Variants in HLCS observed in about 807,000 individuals in gnomAD.
HLCS encodes biotin--protein ligase.
Under a neutral mutation model 75.0 loss-of-function variants are expected in HLCS, and 53 were observed. That is an observed-to-expected ratio of 0.71 (90% confidence interval 0.57 to 0.89). The LOEUF (loss-of-function observed/expected upper bound fraction) is 0.89. Ranked by LOEUF, HLCS falls within the 40% of genes least tolerant of loss-of-function variation. HLCS has a pLI of 0.00. For missense variants in HLCS, 966 were observed against 1,074.0 expected (o/e 0.90, Z 1.41); for synonymous variants, 431 against 428.6 (o/e 1.01, Z -0.07).
chr21:36,931,280 T>A (rs1942931040), intron 4 of HLCS, among the ~76,000 whole-genome samples: 3 of 51,158 alleles, frequency 5.9e-5, no homozygotes, highest in Admixed American at 3.5e-4. Context: ...TGAAACTCCA[T>A]CGCAAAAAAA....
At chr21:36,909,842 A>T (rs903651622) in intron 5 of HLCS, among the ~76,000 whole-genome samples, 3 of 152,200 alleles carry the variant, frequency 2.0e-5, no homozygotes, top group Non-Finnish European at 4.4e-5. Flanking sequence ...ATTTCTTATG[A>T]TCTCCATGTA....
chr21:36,979,811 C>T (rs1291217902), intron 1 of HLCS, among the ~76,000 whole-genome samples: 1 of 151,956 alleles, frequency 6.6e-6, no homozygotes, highest in Non-Finnish European at 1.5e-5. Flanking sequence ...AATCCTAACA[C>T]TTTGGGAGGC....
chr21:36,936,869 A>C lies in HLCS; in HGVS notation c.1017T>G (p.Ile339Met). Residue 339 changes from isoleucine (I) to methionine (M), a missense_variant, in exon 4 of 11, where the codon ATT becomes ATG. Coordinates refer to ENST00000674895, the MANE Select transcript of HLCS (RefSeq NM_001352514.2). ...VRSVLADCVDIDSYILYHLLE... is the reference protein window; with the variant it reads ...VRSVLADCVDMDSYILYHLLE... ...GCAGGTGGTAGAGAATATAACTGTCAATGTCCACACAGTCGGCCAGCACAG... is the reference window on the plus strand; with the variant it reads ...GCAGGTGGTAGAGAATATAACTGTCCATGTCCACACAGTCGGCCAGCACAG... 1 of 1,614,186 alleles carries C rather than the reference A, an allele frequency of 6.2e-7. No homozygotes were observed. The highest frequency in any genetic ancestry group is 2.2e-5 in the East Asian group (1 of 44,864).
At chr21:36,850,340 G>A (rs1029634465) in intron 6 of HLCS, among the ~76,000 whole-genome samples, 1 of 152,252 alleles carries the variant, frequency 6.6e-6, no homozygotes, top group East Asian at 1.9e-4. Context: ...CTCCGGGGCA[G>A]CTCACCTGTC....
intron 6 of HLCS, among the ~76,000 whole-genome samples, chr21:36,827,028 T>C (rs1222643410): frequency 1.3e-5 from 2 of 152,154 alleles, no homozygotes; most frequent in Non-Finnish European, 1.5e-5. Context: ...GGATGTCTAA[T>C]AACACAGACC....
upstream of HLCS, among the ~76,000 whole-genome samples, chr21:36,967,155 C>T (rs13046468): frequency 0.42 from 63,278 of 151,614 alleles, 13,716 homozygotes; most frequent in South Asian, 0.53. Context: ...GCTGCCAAGG[C>T]CAACCTTTAC....
intron 5 of HLCS, among the ~76,000 whole-genome samples, chr21:36,914,229 C>T (rs2065836737): frequency 6.6e-6 from 1 of 152,168 alleles, no homozygotes; most frequent in Non-Finnish European, 1.5e-5. Context: ...TTATGCGTCC[C>T]CTCTCACATC....
intron 6 of HLCS, among the ~76,000 whole-genome samples, chr21:36,819,990 A>C (rs917148483): frequency 6.6e-6 from 1 of 152,216 alleles, no homozygotes; most frequent in Non-Finnish European, 1.5e-5. Flanking sequence ...GATAAAGTGC[A>C]CTCACAGGGC....
At chr21:36,811,220 T>A (rs978669559) in intron 6 of HLCS, among the ~76,000 whole-genome samples, 1 of 152,202 alleles carries the variant, frequency 6.6e-6, no homozygotes, top group African/African-American at 2.4e-5. Context: ...CTATTCCTCA[T>A]TCACTGGATT....
chr21:36,767,086 G>T (rs898877409), intron 7 of HLCS, 132 bp downstream of exon 7: 1 of 844,702 alleles, frequency 1.2e-6, no homozygotes, highest in Non-Finnish European at 2.0e-6. Flanking sequence ...ATTCCAGGCG[G>T]TTATGAAAAC....
intron 6 of HLCS, among the ~76,000 whole-genome samples, chr21:36,809,481 T>G (rs989520490): frequency 2.6e-5 from 4 of 152,218 alleles, no homozygotes; most frequent in Admixed American, 6.5e-5. Flanking sequence ...AATTTCTACT[T>G]GTCACTGAAT....
intron 6 of HLCS, among the ~76,000 whole-genome samples, chr21:36,822,678 A>G (rs1368051968): frequency 6.6e-6 from 1 of 152,244 alleles, no homozygotes; most frequent in African/African-American, 2.4e-5. Context: ...GTATGGAGAC[A>G]GACAGAAATG....
At chr21:36,987,212 A>G (rs920269277) in intron 1 of HLCS, among the ~76,000 whole-genome samples, 6 of 152,194 alleles carry the variant, frequency 3.9e-5, no homozygotes, top group African/African-American at 1.4e-4. Flanking sequence ...TTAATGGACA[A>G]TGGTATTTAG....
chr21:36,847,529 A>G (rs1346338085), intron 6 of HLCS, among the ~76,000 whole-genome samples: 1 of 152,138 alleles, frequency 6.6e-6, no homozygotes, highest in African/African-American at 2.4e-5. Flanking sequence ...AGTAATGGAT[A>G]TCTAAGGTAC....
chr21:36,898,886 C>T, intron 5 of HLCS, among the ~76,000 whole-genome samples: 1 of 151,996 alleles, frequency 6.6e-6, no homozygotes, highest in Non-Finnish European at 1.5e-5. Context: ...CATGGTGAAA[C>T]CCTGTCTCTC....
intron 6 of HLCS, among the ~76,000 whole-genome samples, chr21:36,779,186 C>G (rs2060452578): frequency 6.6e-6 from 1 of 152,118 alleles, no homozygotes; most frequent in South Asian, 2.1e-4. Context: ...TTTCACATCC[C>G]ATGAATAATC....
intron 6 of HLCS, among the ~76,000 whole-genome samples, chr21:36,818,202 G>C (rs1321607377): frequency 6.6e-6 from 1 of 152,228 alleles, no homozygotes; most frequent in Non-Finnish European, 1.5e-5. Flanking sequence ...AGAAGGATTT[G>C]AAGGTTGGAG....
intron 5 of HLCS, among the ~76,000 whole-genome samples, chr21:36,905,712 T>C (rs943572387): frequency 1.3e-5 from 2 of 151,226 alleles, no homozygotes; most frequent in African/African-American, 4.9e-5. Flanking sequence ...AAAAAAAAAA[T>C]AGAACTAATA....
At chr21:36,812,241 TCA>T (rs1250676648) in intron 6 of HLCS, among the ~76,000 whole-genome samples, 1 of 152,194 alleles carries the variant, frequency 6.6e-6, no homozygotes, top group African/African-American at 2.4e-5. Context: ...TCTATCCTTC[TCA>T]GAGTCTGATC....
Sources: allele counts gnomAD v4.1 joint callset (sites outside exome capture counted in the v4.1 genomes callset), GRCh38; gene constraint gnomAD v4.1.1; transcripts MANE v1.5; gene names NCBI Gene and HGNC (gene_info 2026-07-23, HGNC 2026-07-21).